The following CERS4 variants were observed in gnomAD, a reference collection of about 807,000 sequenced individuals.
The protein encoded by CERS4 is ceramide synthase 4.
CERS4 carries 65 observed loss-of-function variants against 51.8 expected under a neutral mutation model. The ratio of observed to expected loss-of-function variants is 1.26; its 90% CI spans 1.03 to 1.54. CERS4 has a LOEUF of 1.54. Among genes scored for constraint, CERS4 ranks in the 40% most tolerant of loss-of-function variants. The probability of loss-of-function intolerance (pLI) is 0.00; values close to 1 mark genes in which losing one functional copy is unlikely to be tolerated. For missense variants in CERS4, 563 were observed against 500.4 expected, an observed-to-expected ratio of 1.13 and a Z score of -1.19; for synonymous variants, 228 against 208.4, an observed-to-expected ratio of 1.09 and a Z score of -0.81.
intron 4 of CERS4, among the ~76,000 whole-genome samples, chr19:8,255,221 T>C (rs1242171942): frequency 2.0e-5 from 3 of 152,082 alleles, no homozygotes; most frequent in African/African-American, 7.2e-5. Context: ...CCCCCTTTAC[T>C]TGTCAATTTC....
chr19:8,220,198 C>T (rs1361778488), intron 2 of CERS4, among the ~76,000 whole-genome samples: 3 of 151,856 alleles, frequency 2.0e-5, no homozygotes, highest in Non-Finnish European at 4.4e-5. Flanking sequence ...AGATCTACCC[C>T]AGATACTCAT....
chr19:8,224,223 A>T (rs973850340), intron 2 of CERS4, among the ~76,000 whole-genome samples: 9 of 151,926 alleles, frequency 5.9e-5, no homozygotes, highest in African/African-American at 2.2e-4. Context: ...CCTGACCAAC[A>T]TGGTGAAACC....
chr19:8,242,936 G>A (rs1968599223), intron 2 of CERS4, among the ~76,000 whole-genome samples: 1 of 151,138 alleles, frequency 6.6e-6, no homozygotes, highest in Non-Finnish European at 1.5e-5. Flanking sequence ...AGGTGTGCAA[G>A]GATGCATCCA....
rs540039824 is a variant in CERS4 at position 8,225,867 on chromosome 19, G to A, written c.-2+15005G>A. ...CTATGTGACCCTGTGTAGGTGATCC[G>A]GCATGTCTCCAAGACTCAGTTTGTT... is the stretch of plus-strand genomic sequence containing the variant. On this transcript the variant is annotated intron_variant, in intron 2 of 11. Coordinates refer to ENST00000251363, the MANE Select transcript of CERS4 (RefSeq NM_024552.3). Among the ~76,000 whole-genome samples, 6 of 152,086 alleles carry A rather than the reference G, an allele frequency of 3.9e-5. No homozygotes were observed. The East Asian group carries it at 5.8e-4, about 15-fold the overall frequency.
In CERS4 at chr19:8,225,481, T is replaced by C. The variant is rs564431574; in HGVS notation, c.-2+14619T>C. ...TGGCCCCCCAGGCTGGAGTGCGCAA[T>C]GGAGCGATCTCGGCTAACTGCAACC... On this transcript the variant is annotated intron_variant, in intron 2 of 11. Transcript: ENST00000251363. Among the ~76,000 whole-genome samples the C allele has an allele frequency of 1.7e-3, 246 of 147,976 alleles. 1 individual carries two copies. The highest frequency in any genetic ancestry group is 3.9e-3 in the African/African-American group (158 of 40,074).
chr19:8,236,537 G>T (rs1041953575), intron 2 of CERS4, among the ~76,000 whole-genome samples: 1 of 151,604 alleles, frequency 6.6e-6, no homozygotes, highest in African/African-American at 2.4e-5. Flanking sequence ...AAATTAGCTG[G>T]GTGTGGTGGC....
At chr19:8,232,834 C>G (rs1197555683) in intron 2 of CERS4, among the ~76,000 whole-genome samples, 1 of 150,886 alleles carries the variant, frequency 6.6e-6, no homozygotes, top group Non-Finnish European at 1.5e-5. Flanking sequence ...ATCCTTCCAC[C>G]TCAGCCTCCT....
In CERS4 at chr19:8,255,857, G is replaced by T. The variant is rs1297235861; in HGVS notation, c.446G>T (p.Gly149Val). The change falls in exon 6 of 12, where the codon GGC becomes GTC. Residue 149 changes from glycine (G) to valine (V), a missense_variant. Physicochemically the swap from Gly to Val is moderately radical, Grantham distance 109 (BLOSUM62 -3). Transcript: ENST00000251363. ...RFLFYLSSFVGGLSVLYHESW... is the reference protein window; with the variant it reads ...RFLFYLSSFVVGLSVLYHESW... ...CTCTTCTACCTGTCCTCCTTCGTGG[G>T]CGGCCTCTCGGTCCTGTACCACGTG... The T allele has an allele frequency of 6.2e-7, 1 of 1,613,792 alleles. No individual in the cohort carries two copies. The highest frequency in any genetic ancestry group is 8.5e-7 in the Non-Finnish European group (1 of 1,180,024).
intron 2 of CERS4, among the ~76,000 whole-genome samples, chr19:8,222,459 C>T (rs931786263): frequency 6.6e-6 from 1 of 151,778 alleles, no homozygotes; most frequent in Non-Finnish European, 1.5e-5. Flanking sequence ...GGATTACAGG[C>T]GTGAGTCACT....
chr19:8,238,160 G>A (rs1021328362), intron 2 of CERS4, among the ~76,000 whole-genome samples: 3 of 151,930 alleles, frequency 2.0e-5, no homozygotes, highest in African/African-American at 7.3e-5. Context: ...ACTTTACTCT[G>A]GGATGCTGGG....
At chr19:8,243,158 C>T (rs935390991) in intron 2 of CERS4, among the ~76,000 whole-genome samples, 5 of 130,144 alleles carry the variant, frequency 3.8e-5, no homozygotes, top group African/African-American at 1.2e-4. Context: ...CAGGCCAGTG[C>T]ACTCCAGTCT....
intron 2 of CERS4, among the ~76,000 whole-genome samples, chr19:8,225,470 G>A (rs927701648): frequency 4.7e-5 from 7 of 147,532 alleles, no homozygotes; most frequent in Non-Finnish European, 1.0e-4. Context: ...CCCCCAGGCT[G>A]GAGTGCGCAA....
At chr19:8,214,956 G>C (rs910271937) in intron 2 of CERS4, among the ~76,000 whole-genome samples, 3 of 146,166 alleles carry the variant, frequency 2.1e-5, no homozygotes, top group Non-Finnish European at 4.5e-5. Flanking sequence ...AGGAGAGGGA[G>C]GAGGGGGAGG....
chr19:8,256,148 CTG>C (rs1969368461), intron 6 of CERS4, 86 bp from the exon 7 acceptor site: 2 of 1,363,944 alleles, frequency 1.5e-6, no homozygotes, highest in South Asian at 2.5e-5. Context: ...ATCTATGTGA[CTG>C]TGGAAGGAGA....
At chr19:8,222,905 C>T (rs1967624297) in intron 2 of CERS4, among the ~76,000 whole-genome samples, 1 of 152,154 alleles carries the variant, frequency 6.6e-6, no homozygotes, top group Admixed American at 6.6e-5. Context: ...CTTGGTTGTT[C>T]TCTGGAATCC....
intron 2 of CERS4, among the ~76,000 whole-genome samples, chr19:8,238,840 G>A (rs74176285): frequency 0.024 from 3,675 of 152,036 alleles, 79 homozygotes; most frequent in Non-Finnish European, 0.038. Context: ...GGCTTGTGTC[G>A]GTAATCCTAG....
rs147489328 is a variant in CERS4 at position 8,210,114 on chromosome 19, C to T, written c.-158-592C>T. The stretch of plus-strand genomic sequence containing the variant: ...GGGTCTGAGGTGGAGAGAGGTTGGC[C>T]GGGGCCTGGGAAGCGGCGAGGAGAG... On this transcript the variant is annotated intron_variant, in intron 1 of 11. Coordinates refer to ENST00000251363, the MANE Select transcript of CERS4 (RefSeq NM_024552.3). The surrounding 1 kb of genome is among the most constrained non-coding windows in gnomAD (Gnocchi z 4.2). Among the ~76,000 whole-genome samples the T allele has an allele frequency of 5.5e-3, 840 of 151,698 alleles. 25 individuals carry two copies. The highest frequency in any genetic ancestry group is 1.3e-3 in the Non-Finnish European group (86 of 67,906).
At chr19:8,252,670 G>T (rs188198527) in intron 3 of CERS4, among the ~76,000 whole-genome samples, 1 of 152,014 alleles carries the variant, frequency 6.6e-6, no homozygotes. Context: ...AACTCCTGAC[G>T]TCAGGTGATC....
chr19:8,216,056 C>A (rs2145163201), intron 2 of CERS4, among the ~76,000 whole-genome samples: 1 of 152,240 alleles, frequency 6.6e-6, no homozygotes, highest in African/African-American at 2.4e-5. Flanking sequence ...CCTACCTTCT[C>A]AGGGAGGGCT....
Sources: allele counts gnomAD v4.1 joint callset (sites outside exome capture counted in the v4.1 genomes callset), GRCh38; gene constraint gnomAD v4.1.1; non-coding constraint Gnocchi (gnomAD v3.1); transcripts MANE v1.5; gene names NCBI Gene and HGNC (gene_info 2026-07-23, HGNC 2026-07-21).